TSPAN18: variants seen among roughly 807,000 people sequenced by gnomAD.
TSPAN18 encodes tetraspanin-18.
In TSPAN18, 14 loss-of-function variants were observed where a neutral mutation model predicts 27.3. The observed-to-expected ratio is 0.51, with a 90% confidence interval of 0.34 to 0.80. TSPAN18 has a LOEUF of 0.80. TSPAN18 is among the 30% of genes least tolerant of loss of function. The pLI is 0.01. For missense variants in TSPAN18, 268 were observed against 323.9 expected (o/e 0.83, Z 1.32); for synonymous variants, 143 against 136.5 (o/e 1.05, Z -0.33).
chr11:44,741,679 G>T (rs1854939475), intron 1 of TSPAN18, among the ~76,000 whole-genome samples: 1 of 152,168 alleles, frequency 6.6e-6, no homozygotes, highest in Non-Finnish European at 1.5e-5. Flanking sequence ...AGCAAGAGAG[G>T]TGAATTCTAG....
At chr11:44,814,852 A>G (rs1056636552) in intron 2 of TSPAN18, among the ~76,000 whole-genome samples, 1 of 152,208 alleles carries the variant, frequency 6.6e-6, no homozygotes, top group African/African-American at 2.4e-5. Flanking sequence ...ACATAAGATA[A>G]TTTCAGAGAG....
intron 2 of TSPAN18, among the ~76,000 whole-genome samples, chr11:44,782,436 G>A (rs781039247): frequency 2.6e-5 from 4 of 151,758 alleles, no homozygotes; most frequent in East Asian, 3.9e-4. Flanking sequence ...CCAGCTACTC[G>A]GGAGGCTGAG....
At chr11:44,807,932 G>A (rs1024301884) in intron 2 of TSPAN18, among the ~76,000 whole-genome samples, 5 of 152,206 alleles carry the variant, frequency 3.3e-5, no homozygotes, top group African/African-American at 4.8e-5. Context: ...GTTACTCAAA[G>A]TAGAGGACCG....
At chr11:44,852,776 T>C (rs1185857878) in intron 2 of TSPAN18, among the ~76,000 whole-genome samples, 1 of 152,188 alleles carries the variant, frequency 6.6e-6, no homozygotes, top group Non-Finnish European at 1.5e-5. Context: ...AAGGATCAAT[T>C]GTTCCTAAAT....
chr11:44,772,805 T>C (rs904777479), intron 2 of TSPAN18, among the ~76,000 whole-genome samples: 4 of 152,120 alleles, frequency 2.6e-5, no homozygotes, highest in African/African-American at 9.7e-5. Context: ...ATTACAGACA[T>C]GTGCCACCAC....
intron 2 of TSPAN18, among the ~76,000 whole-genome samples, chr11:44,782,514 G>T (rs1469381488): frequency 6.8e-6 from 1 of 147,774 alleles, no homozygotes; most frequent in Admixed American, 6.9e-5. Flanking sequence ...CTGCACTCCA[G>T]CTTGGGTGAC....
intron 1 of TSPAN18, among the ~76,000 whole-genome samples, chr11:44,742,413 C>T (rs917990293): frequency 6.0e-5 from 9 of 151,232 alleles, no homozygotes; most frequent in South Asian, 2.1e-4. Flanking sequence ...TCCCTCCCTT[C>T]CTTCCTCCCT....
intron 2 of TSPAN18, among the ~76,000 whole-genome samples, chr11:44,847,839 T>C (rs534295865): frequency 7.1e-6 from 1 of 140,740 alleles, no homozygotes; most frequent in African/African-American, 2.8e-5. Context: ...CTTTTGTTGC[T>C]TTTTTTTTTT....
At chr11:44,898,382 A>G (rs1859141284) in intron 3 of TSPAN18, among the ~76,000 whole-genome samples, 1 of 152,198 alleles carries the variant, frequency 6.6e-6, no homozygotes, top group South Asian at 2.1e-4. Flanking sequence ...AACTTCTTTT[A>G]TTGATATGCT....
chr11:44,919,128 C>T, intron 6 of TSPAN18, 86 bp from the exon 7 acceptor site: 1 of 1,114,500 alleles, frequency 9.0e-7, no homozygotes, highest in South Asian at 1.3e-5. Context: ...TCCCCCAACT[C>T]CCAAGCAGGT....
At chr11:44,841,123 C>T (rs1027835614) in intron 2 of TSPAN18, among the ~76,000 whole-genome samples, 6 of 152,100 alleles carry the variant, frequency 3.9e-5, no homozygotes, top group African/African-American at 1.2e-4. Context: ...GCGTATGTGC[C>T]GGAGGGTTTG....
Position 44,908,758 on chromosome 11 carries a change from G to GAAAGGAAAGAA in TSPAN18, c.64-946_64-945insAAGGAAAGAAA, listed in dbSNP as rs1554938001. Among the ~76,000 whole-genome samples, 215 of 61,942 alleles carry GAAAGGAAAGAA rather than the reference G, an allele frequency of 3.5e-3. 28 individuals are homozygous for GAAAGGAAAGAA. The highest frequency in any genetic ancestry group is 0.014 in the African/African-American group (172 of 12,316). The allele number at this position is 61,942 out of a possible 152,430, so 40.6% of individuals were successfully genotyped here. ...AAAAAGAAAGAAAGAGAGAGAGAGA[G>GAAAGGAAAGAA]AGAGAGAAAGGAGAAAGAAAGAAAG... On this transcript the variant is annotated intron_variant, in intron 4 of 9. Transcript: ENST00000520358.
At position 44,919,872 on chromosome 11, in the gene TSPAN18, G is replaced by C. The variant is rs375638674; in HGVS notation, c.488G>C (p.Arg163Pro). 1.9e-6 allele frequency: 3 copies of C among 1,614,068 alleles called. No individual in the cohort carries two copies. Among genetic ancestry groups the C allele is most frequent in the Admixed American group, 3.3e-5 (2 of 60,010 alleles). Residue 163 changes from arginine (R) to proline (P), a missense_variant, in exon 8 of 10, where the codon CGA becomes CCA. Transcript: ENST00000520358. ...PEDFKFASVFRLLTLDSEEVP... is the reference protein window; with the variant it reads ...PEDFKFASVFPLLTLDSEEVP... ...GACTTTAAGTTTGCATCTGTGTTTC[G>C]ACTCCTGACCCTGGATAGTGAAGAG...
chr11:44,906,532 C>T, intron 4 of TSPAN18, 53 bp downstream of exon 4: 6 of 1,530,744 alleles, frequency 3.9e-6, no homozygotes, highest in Non-Finnish European at 5.4e-6. Context: ...GAACTGGCTG[C>T]TGCTTTGAAA....
At chr11:44,908,516 T>C (rs544204298) in intron 4 of TSPAN18, among the ~76,000 whole-genome samples, 5 of 152,044 alleles carry the variant, frequency 3.3e-5, no homozygotes, top group African/African-American at 1.2e-4. Flanking sequence ...GGAGGATCAC[T>C]TGAGCCCAGG....
intron 1 of TSPAN18, among the ~76,000 whole-genome samples, chr11:44,757,622 A>G (rs1855362232): frequency 6.6e-6 from 1 of 152,092 alleles, no homozygotes; most frequent in Non-Finnish European, 1.5e-5. Context: ...TGGGCTCAAG[A>G]GATCTGCCCA....
At chr11:44,788,683 G>T (rs1471449947) in intron 2 of TSPAN18, among the ~76,000 whole-genome samples, 1 of 152,076 alleles carries the variant, frequency 6.6e-6, no homozygotes, top group Non-Finnish European at 1.5e-5. Context: ...TCCTGACCTT[G>T]TGATCTCCCC....
chr11:44,889,312 G>A (rs1858765819), intron 3 of TSPAN18, among the ~76,000 whole-genome samples: 1 of 152,170 alleles, frequency 6.6e-6, no homozygotes, highest in Non-Finnish European at 1.5e-5. Flanking sequence ...GGGCTGAGGT[G>A]GACATCTCAG....
chr11:44,762,883 G>A (rs1855484853), intron 1 of TSPAN18, among the ~76,000 whole-genome samples: 1 of 152,056 alleles, frequency 6.6e-6, no homozygotes, highest in Non-Finnish European at 1.5e-5. Context: ...GGTAGACCTC[G>A]AACTCATCAC....
Sources: gnomAD v4.1 joint callset for allele counts (sites outside exome capture counted in the v4.1 genomes callset) on GRCh38, gnomAD v4.1.1 for gene constraint, MANE v1.5 for transcripts, NCBI Gene and HGNC (gene_info 2026-07-23, HGNC 2026-07-21) for gene names.